The following PPP4R2 variants were observed in gnomAD, a reference collection of about 807,000 sequenced individuals.
The protein encoded by PPP4R2 is protein phosphatase 4 regulatory subunit 2.
PPP4R2 carries 13 observed loss-of-function variants against 47.2 expected under a neutral mutation model. That is an observed-to-expected ratio of 0.28 (90% CI 0.18 to 0.44). PPP4R2 has a LOEUF of 0.44. Among genes scored for constraint, PPP4R2 ranks in the 20% least tolerant of loss-of-function variants. The pLI, the probability that PPP4R2 is intolerant of heterozygous loss-of-function variation, is 1.00. For synonymous variants in PPP4R2, 151 were observed against 163.3 expected, an observed-to-expected ratio of 0.92 and a Z score of 0.57; for missense variants, 421 against 491.2, an observed-to-expected ratio of 0.86 and a Z score of 1.35.
At chr3:73,054,615 T>C (rs1301608761) in intron 3 of PPP4R2, among the ~76,000 whole-genome samples, 2 of 143,466 alleles carry the variant, frequency 1.4e-5, no homozygotes, top group African/African-American at 5.8e-5. Context: ...CTGTTTTGAC[T>C]TTTTTTTTAG....
At chr3:73,058,234 T>G (rs1234828864) in intron 3 of PPP4R2, among the ~76,000 whole-genome samples, 1 of 152,138 alleles carries the variant, frequency 6.6e-6, no homozygotes, top group African/African-American at 2.4e-5. Context: ...TTAAGTTGGA[T>G]TAAACTTAGA....
intron 2 of PPP4R2, among the ~76,000 whole-genome samples, chr3:72,999,154 A>T (rs1701410285): frequency 6.6e-6 from 1 of 152,184 alleles, no homozygotes; most frequent in Non-Finnish European, 1.5e-5. Flanking sequence ...GAGTCTCCTT[A>T]GTATTCTATT....
At chr3:73,045,281 G>A (rs949579914) in intron 2 of PPP4R2, among the ~76,000 whole-genome samples, 5 of 152,152 alleles carry the variant, frequency 3.3e-5, no homozygotes, top group Admixed American at 6.5e-5. Context: ...GGGATTACAG[G>A]CGTGAGCCAC....
chr3:73,030,936 A>G lies in PPP4R2; in HGVS notation c.117-16250A>G, dbSNP rs989237196. On this transcript the variant is annotated intron_variant, in intron 2 of 8. Coordinates refer to ENST00000356692, the MANE Select transcript of PPP4R2 (RefSeq NM_174907.4). ...AGGCTGGTCTCGAACTCCTGAGCTC[A>G]GGTGATCTGCCCGCCTCGGCCTCCC... 4.6e-5 allele frequency among the ~76,000 whole-genome samples: 7 copies of G among 151,974 alleles called. 1 individual carries two copies. Among genetic ancestry groups the G allele is most frequent in the Non-Finnish European group, 1.0e-4 (7 of 67,998 alleles).
chr3:73,015,566 C>A (rs1338929219), intron 2 of PPP4R2, among the ~76,000 whole-genome samples: 1 of 151,832 alleles, frequency 6.6e-6, no homozygotes, highest in Non-Finnish European at 1.5e-5. Context: ...ACCTCTGCCT[C>A]CCTGGTTCGA....
chr3:73,037,039 C>T (rs1702277343), intron 2 of PPP4R2, among the ~76,000 whole-genome samples: 1 of 152,182 alleles, frequency 6.6e-6, no homozygotes. Flanking sequence ...CTTTCAGTCT[C>T]CCTAAATTTA....
chr3:73,021,269 T>G (rs1034447889), intron 2 of PPP4R2, among the ~76,000 whole-genome samples: 1 of 151,648 alleles, frequency 6.6e-6, no homozygotes, highest in Admixed American at 6.6e-5. Flanking sequence ...ATCTTACTGT[T>G]TCACCCAGGC....
intron 3 of PPP4R2, among the ~76,000 whole-genome samples, chr3:73,050,940 G>C (rs1039569521): frequency 4.6e-5 from 7 of 152,114 alleles, no homozygotes; most frequent in African/African-American, 1.7e-4. Flanking sequence ...TGGAGACAGA[G>C]TTTCGCTCTT....
At chr3:73,028,254 C>G (rs1418343909) in intron 2 of PPP4R2, among the ~76,000 whole-genome samples, 3 of 67,520 alleles carry the variant, frequency 4.4e-5, no homozygotes, top group Non-Finnish European at 7.8e-5. Flanking sequence ...AAGACTCCGT[C>G]TCAAAAAAAA....
chr3:73,014,516 G>A (rs1359267342), intron 2 of PPP4R2, among the ~76,000 whole-genome samples: 1 of 151,726 alleles, frequency 6.6e-6, no homozygotes, highest in Admixed American at 6.6e-5. Flanking sequence ...GGTCTCAACT[G>A]AGAATTGCTG....
chr3:73,004,370 G>T (rs1382559250), intron 2 of PPP4R2, among the ~76,000 whole-genome samples: 1 of 152,122 alleles, frequency 6.6e-6, no homozygotes, highest in Non-Finnish European at 1.5e-5. Context: ...GGTCACTTTG[G>T]CTGGAAGTAA....
intron 2 of PPP4R2, 29 bp downstream of exon 2, chr3:72,998,187 T>C: frequency 1.4e-6 from 2 of 1,409,220 alleles, no homozygotes; most frequent in Non-Finnish European, 9.9e-7. Context: ...TTTGTCGTTA[T>C]AGACCAGTGC....
chr3:73,062,765 T>C (rs1372356512), intron 5 of PPP4R2: 1 of 1,613,890 alleles, frequency 6.2e-7, no homozygotes, highest in African/African-American at 1.3e-5. Flanking sequence ...GTGAGAGTGC[T>C]GATCTGCTAA....
intron 2 of PPP4R2, among the ~76,000 whole-genome samples, chr3:73,042,652 C>T (rs1417501950): frequency 6.6e-6 from 1 of 151,962 alleles, no homozygotes; most frequent in African/African-American, 2.4e-5. Flanking sequence ...CGTGAGCCAC[C>T]GCGCCTGGCC....
intron 2 of PPP4R2, among the ~76,000 whole-genome samples, chr3:73,001,710 C>T (rs917133109): frequency 1.3e-5 from 2 of 152,092 alleles, no homozygotes; most frequent in Non-Finnish European, 2.9e-5. Context: ...GCGATCTCGG[C>T]TCACTTCATC....
intron 5 of PPP4R2, chr3:73,062,465 C>T: frequency 6.2e-7 from 1 of 1,612,790 alleles, no homozygotes. Context: ...GTTTAGTATT[C>T]TTGTGTTTCA....
rs572643581 is a variant in PPP4R2, at chr3:73,049,223, G to C, written c.287+1867G>C. 6.6e-5 allele frequency among the ~76,000 whole-genome samples: 10 copies of C among 151,754 alleles called. No homozygotes were observed. The South Asian group carries it at 1.5e-3, about 22-fold the overall frequency. ...AGATTAGAATACTTCTCGGGGCCAGGTGTGGTGGCTCACGCCTGTAATCCC... is the reference window on the plus strand; with the variant it reads ...AGATTAGAATACTTCTCGGGGCCAGCTGTGGTGGCTCACGCCTGTAATCCC... On this transcript the variant is annotated intron_variant, in intron 3 of 8. Transcript: ENST00000356692.
At position 73,067,725 on chromosome 3, in the gene PPP4R2, ATTTACT is replaced by A. The variant is rs552754994; in HGVS notation, c.*2007_*2012del. On this transcript the variant is annotated 3_prime_UTR_variant, in exon 9 of 9. Transcript: ENST00000356692. ...CCATGGACCATTTGTAAACAAATTGATTTACTTTTGTTGGTTGTAAGTTGAAGATTT... is the reference window on the plus strand; with the variant it reads ...CCATGGACCATTTGTAAACAAATTGATTTGTTGGTTGTAAGTTGAAGATTT... 132 of 152,176 alleles carry A rather than the reference ATTTACT, an allele frequency of 8.7e-4. 1 individual carries two copies. Among genetic ancestry groups the A allele is most frequent in the African/African-American group, 3.1e-3 (127 of 41,530 alleles). The allele number at this position is 152,176 out of a possible 1,614,324, so 9.4% of individuals were successfully genotyped here. A position where few individuals can be genotyped will look rare whatever the true frequency, so the allele number is the denominator to read the frequency against.
At chr3:73,047,494 G>GACATCAAC (rs1702508613) in intron 3 of PPP4R2, 138 bp downstream of exon 3, 2 of 541,392 alleles carry the variant, frequency 3.7e-6, no homozygotes, top group Non-Finnish European at 6.2e-6. Context: ...TGTAGTAGTT[G>GACATCAAC]ATGATTTTTA....
Sources: gnomAD v4.1 joint callset for allele counts (sites outside exome capture counted in the v4.1 genomes callset) on GRCh38, gnomAD v4.1.1 for gene constraint, MANE v1.5 for transcripts, NCBI Gene and HGNC (gene_info 2026-07-23, HGNC 2026-07-21) for gene names.